The following ZDHHC11B variants were observed in gnomAD, a reference collection of about 807,000 sequenced individuals.
ZDHHC11B encodes zDHHC palmitoyltransferase 11B (putative).
A neutral mutation model predicts 42.3 loss-of-function variants in ZDHHC11B; 17 were observed. That is an observed-to-expected ratio of 0.40 (90% CI 0.27 to 0.60). The LOEUF (loss-of-function observed/expected upper bound fraction) is 0.60, where lower values mean the gene tolerates loss of function less well. ZDHHC11B is among the 20% of genes least tolerant of loss of function. The pLI is 0.41. For synonymous variants in ZDHHC11B, 123 were observed against 193.5 expected, an observed-to-expected ratio of 0.64 and a Z score of 3.02; for missense variants, 262 against 463.2, an observed-to-expected ratio of 0.57 and a Z score of 3.99.
At chr5:720,943 C>T (rs1742136110) in intron 12 of ZDHHC11B, among the ~76,000 whole-genome samples, 2 of 151,536 alleles carry the variant, frequency 1.3e-5, no homozygotes, top group African/African-American at 4.9e-5. Flanking sequence ...ACCCTATTTC[C>T]ACAAAAAATA....
chr5:777,679 A>C (rs1052480123), intron 1 of ZDHHC11B, among the ~76,000 whole-genome samples: 4 of 151,948 alleles, frequency 2.6e-5, no homozygotes, highest in African/African-American at 2.4e-5. Context: ...ATTTTGACAG[A>C]GTGCTGATTG....
chr5:723,914 C>T (rs555385270), intron 12 of ZDHHC11B, among the ~76,000 whole-genome samples: 2 of 139,678 alleles, frequency 1.4e-5, no homozygotes, highest in South Asian at 2.4e-4. Flanking sequence ...GGAGGGAGCA[C>T]GCAGGACATC....
At chr5:714,746 T>C in intron 13 of ZDHHC11B, among the ~76,000 whole-genome samples, 1 of 135,728 alleles carries the variant, frequency 7.4e-6, no homozygotes, top group African/African-American at 2.6e-5. Flanking sequence ...TGCTCTTTGC[T>C]GTGGTTTGGA....
At chr5:757,006 C>T (rs1259623291) in intron 4 of ZDHHC11B, among the ~76,000 whole-genome samples, 4 of 151,772 alleles carry the variant, frequency 2.6e-5, no homozygotes, top group Non-Finnish European at 5.9e-5. Flanking sequence ...GGGTCCTTGT[C>T]CCCTGGAGCC....
chr5:739,789 T>C (rs1321707928), intron 10 of ZDHHC11B, among the ~76,000 whole-genome samples: 1 of 143,832 alleles, frequency 7.0e-6, no homozygotes, highest in Non-Finnish European at 1.5e-5. Flanking sequence ...AGAAAAGAAG[T>C]TATCTTATGA....
At chr5:748,347 G>A (rs1745102251) in intron 8 of ZDHHC11B, 57 bp downstream of exon 8, 2 of 1,016,388 alleles carry the variant, frequency 2.0e-6, no homozygotes, top group Non-Finnish European at 2.7e-6. Flanking sequence ...GGTGTAAGAT[G>A]AGCAGCTCTG....
At chr5:719,398 A>G (rs1742015631) in intron 12 of ZDHHC11B, among the ~76,000 whole-genome samples, 1 of 151,732 alleles carries the variant, frequency 6.6e-6, no homozygotes. Flanking sequence ...TGCTCAGTAA[A>G]CTAAAGGAAG....
intron 4 of ZDHHC11B, among the ~76,000 whole-genome samples, chr5:761,996 C>T (rs1317162643): frequency 1.3e-5 from 2 of 148,354 alleles, no homozygotes; most frequent in African/African-American, 5.0e-5. Context: ...GATGGCCACT[C>T]ACAGCCAAGA....
At chr5:778,198 C>G (rs922348728) in intron 1 of ZDHHC11B, among the ~76,000 whole-genome samples, 2 of 151,780 alleles carry the variant, frequency 1.3e-5, no homozygotes, top group Non-Finnish European at 2.9e-5. Context: ...GGGCCAACAC[C>G]ATTTCTCTAA....
chr5:780,402 G>A (rs554581269), intron 1 of ZDHHC11B, among the ~76,000 whole-genome samples: 13 of 151,256 alleles, frequency 8.6e-5, no homozygotes, highest in African/African-American at 2.0e-4. Context: ...GAGTGTGGGC[G>A]GCGCTGAGCA....
intron 1 of ZDHHC11B, among the ~76,000 whole-genome samples, chr5:771,609 T>G (rs1448685297): frequency 6.6e-6 from 1 of 151,692 alleles, no homozygotes; most frequent in Non-Finnish European, 1.5e-5. Flanking sequence ...CTGACAACAT[T>G]TCTTTGAAAC....
chr5:764,599 G>A (rs1442527444), intron 4 of ZDHHC11B, among the ~76,000 whole-genome samples: 5 of 151,924 alleles, frequency 3.3e-5, no homozygotes, highest in East Asian at 1.9e-4. Flanking sequence ...GCCTCCCTGC[G>A]GGGCAGGGCT....
At chr5:778,540 C>A (rs1736728905) in intron 1 of ZDHHC11B, among the ~76,000 whole-genome samples, 1 of 151,672 alleles carries the variant, frequency 6.6e-6, no homozygotes, top group Admixed American at 6.6e-5. Flanking sequence ...CTCACGAGGA[C>A]CCTGCCCTGC....
At chr5:760,720 C>T (rs775428252) in intron 4 of ZDHHC11B, among the ~76,000 whole-genome samples, 12 of 151,896 alleles carry the variant, frequency 7.9e-5, no homozygotes, top group Admixed American at 3.3e-4. Flanking sequence ...ACACCCCTAG[C>T]GTAACTGTGA....
chr5:724,140 T>G (rs1428599880), intron 12 of ZDHHC11B, among the ~76,000 whole-genome samples: 1 of 151,796 alleles, frequency 6.6e-6, no homozygotes, highest in Non-Finnish European at 1.5e-5. Context: ...ACTTCCAGGC[T>G]CCCTCACTCA....
At chr5:756,990 G>C (rs1274839354) in intron 4 of ZDHHC11B, among the ~76,000 whole-genome samples, 1 of 151,808 alleles carries the variant, frequency 6.6e-6, no homozygotes, top group African/African-American at 2.4e-5. Flanking sequence ...GGGGGCACTG[G>C]GGAGAGGGTC....
intron 9 of ZDHHC11B, among the ~76,000 whole-genome samples, chr5:742,661 C>G (rs1266200582): frequency 6.7e-6 from 1 of 149,920 alleles, no homozygotes; most frequent in Non-Finnish European, 1.5e-5. Flanking sequence ...GCACACATGT[C>G]ATGTAAACGT....
chr5:724,667 A>ACT (rs1742437469), intron 12 of ZDHHC11B, among the ~76,000 whole-genome samples: 1 of 147,380 alleles, frequency 6.8e-6, no homozygotes, highest in African/African-American at 2.5e-5. Flanking sequence ...TCAGTTACAC[A>ACT]CACACACACA....
chr5:766,896 C>G lies in ZDHHC11B; in HGVS notation c.24G>C (p.Gln8His). Residue 8 changes from glutamine to histidine, a missense_variant, in exon 4 of 14, where the codon CAG (glutamine) becomes CAC (histidine). By Grantham distance (24) the Gln-to-His change is conservative (BLOSUM62 0). Coordinates refer to ENST00000508859, the MANE Select transcript of ZDHHC11B (RefSeq NM_001351303.2). ...GTATGGCTTCTGGGGTGACGGAACA[C>G]TGGCTCCCGGAGCGGGTGTCCATCT... MDTRSGS[Q>H]CSVTPEAIRN... 1 of 1,612,396 alleles carries G rather than the reference C, an allele frequency of 6.2e-7. No individual in the cohort carries two copies. The highest frequency in any genetic ancestry group is 8.5e-7 in the Non-Finnish European group (1 of 1,179,168).
Sources: allele counts gnomAD v4.1 joint callset (sites outside exome capture counted in the v4.1 genomes callset), GRCh38; gene constraint gnomAD v4.1.1; transcripts MANE v1.5; gene names NCBI Gene and HGNC (gene_info 2026-07-23, HGNC 2026-07-21).